The following PPM1E variants were observed in gnomAD, a reference collection of about 807,000 sequenced individuals.
The protein encoded by PPM1E is protein phosphatase, Mg2+/Mn2+ dependent 1E.
Under a neutral mutation model 65.9 loss-of-function variants are expected in PPM1E, and 20 were observed. The ratio of observed to expected loss-of-function variants is 0.30; its 90% CI spans 0.21 to 0.44. The LOEUF (loss-of-function observed/expected upper bound fraction) is 0.44. Among genes scored for constraint, PPM1E ranks in the 20% least tolerant of loss-of-function variants. PPM1E has a pLI of 1.00. For missense variants in PPM1E, 713 were observed against 953.1 expected (o/e 0.75, Z 3.32); for synonymous variants, 352 against 374.9 (o/e 0.94, Z 0.70).
At chr17:58,893,639 T>G (rs1052740952) in intron 1 of PPM1E, among the ~76,000 whole-genome samples, 4 of 152,196 alleles carry the variant, frequency 2.6e-5, no homozygotes, top group Non-Finnish European at 4.4e-5. Context: ...CAATGTGTGT[T>G]CATTGATTAT....
chr17:58,791,401 C>T (rs1426074832), intron 1 of PPM1E, among the ~76,000 whole-genome samples: 1 of 152,124 alleles, frequency 6.6e-6, no homozygotes, highest in Non-Finnish European at 1.5e-5. Flanking sequence ...TGTCTTTCTG[C>T]TCAACTCTGC....
At chr17:58,891,729 T>G (rs770756665) in intron 1 of PPM1E, among the ~76,000 whole-genome samples, 2 of 152,186 alleles carry the variant, frequency 1.3e-5, no homozygotes, top group Non-Finnish European at 2.9e-5. Flanking sequence ...TCTCTATTTT[T>G]GTTGGTTCTT....
intron 1 of PPM1E, among the ~76,000 whole-genome samples, chr17:58,859,035 A>G (rs1354400259): frequency 6.6e-6 from 1 of 152,254 alleles, no homozygotes; most frequent in Non-Finnish European, 1.5e-5. Flanking sequence ...AAACTTGAGG[A>G]TAGCCACATG....
At chr17:58,892,120 G>A (rs1462763362) in intron 1 of PPM1E, among the ~76,000 whole-genome samples, 1 of 152,094 alleles carries the variant, frequency 6.6e-6, no homozygotes, top group East Asian at 1.9e-4. Flanking sequence ...ACAGGTGTGA[G>A]CCACCGTGCA....
intron 1 of PPM1E, among the ~76,000 whole-genome samples, chr17:58,821,763 A>C (rs1384983609): frequency 6.6e-6 from 1 of 152,186 alleles, no homozygotes; most frequent in Non-Finnish European, 1.5e-5. Flanking sequence ...CAGGGGTTGG[A>C]GAAAGGGTTT....
intron 1 of PPM1E, among the ~76,000 whole-genome samples, chr17:58,894,990 C>T (rs2051395000): frequency 6.6e-6 from 1 of 152,138 alleles, no homozygotes; most frequent in African/African-American, 2.4e-5. Context: ...TTCAACAAGT[C>T]CGTTGGCACC....
At chr17:58,879,658 A>G (rs2051169685) in intron 1 of PPM1E, among the ~76,000 whole-genome samples, 2 of 151,516 alleles carry the variant, frequency 1.3e-5, no homozygotes, top group African/African-American at 2.4e-5. Context: ...ACAGGCGCCC[A>G]CCACCACGCC....
rs144310587 is a variant in PPM1E, at chr17:58,911,645, C to T, written c.465-44004C>T. 3.8e-3 allele frequency among the ~76,000 whole-genome samples: 583 copies of T among 152,160 alleles called. 7 individuals are homozygous for T. Among genetic ancestry groups the T allele is most frequent in the African/African-American group, 0.013 (543 of 41,514 alleles). On this transcript the variant is annotated intron_variant, in intron 1 of 6. Coordinates refer to ENST00000308249, the MANE Select transcript of PPM1E (RefSeq NM_014906.5). ...TGTTAAAATGCAGATAACCCTGAAG[C>T]GTTTTTCTTTTGTACGTTTTTAATA...
At chr17:58,933,098 T>TGG (rs1000899537) in intron 1 of PPM1E, among the ~76,000 whole-genome samples, 11 of 152,188 alleles carry the variant, frequency 7.2e-5, no homozygotes, top group African/African-American at 2.7e-4. Context: ...CTATACCATC[T>TGG]GGGTTTATAT....
In PPM1E at chr17:58,756,032, G is replaced by T. The variant is rs1351976481; in HGVS notation, c.35G>T (p.Arg12Leu). The T allele has an allele frequency of 1.9e-6, 3 of 1,614,030 alleles. No individual in the cohort carries two copies. Among genetic ancestry groups the T allele is most frequent in the Non-Finnish European group, 2.5e-6 (3 of 1,179,934 alleles). The stretch of plus-strand genomic sequence containing the variant: ...TGCATCCCTGAGGAGAAAACTTACC[G>T]GCGCTTCCTGGAGCTATTCCTGGGC... Reference protein sequence around the residue: ...AGCIPEEKTYRRFLELFLGEF... With the variant: ...AGCIPEEKTYLRFLELFLGEF... Residue 12 changes from arginine (R) to leucine (L), a missense_variant, in exon 1 of 7, where the codon CGG (arginine) becomes CTG (leucine). Around this residue, in one of 6 missense-constraint regions of PPM1E, gnomAD observed 212 missense variants for 204.0 expected, o/e 1.04. Transcript: ENST00000308249.
At chr17:58,876,417 G>A (rs1234921869) in intron 1 of PPM1E, among the ~76,000 whole-genome samples, 2 of 152,050 alleles carry the variant, frequency 1.3e-5, no homozygotes, top group Non-Finnish European at 2.9e-5. Flanking sequence ...TGGCTTTCTT[G>A]AGGATAAACA....
At chr17:58,943,152 G>A (rs948845498) in intron 1 of PPM1E, among the ~76,000 whole-genome samples, 4 of 151,822 alleles carry the variant, frequency 2.6e-5, no homozygotes, top group South Asian at 2.1e-4. Context: ...AGCCAAGATC[G>A]TGCCACTGTG....
At chr17:58,767,378 G>C (rs572503542) in intron 1 of PPM1E, among the ~76,000 whole-genome samples, 1 of 152,158 alleles carries the variant, frequency 6.6e-6, no homozygotes, top group Non-Finnish European at 1.5e-5. Context: ...AGTCAGACTT[G>C]GGAGATTATA....
chr17:58,791,373 A>G (rs2050156649), intron 1 of PPM1E, among the ~76,000 whole-genome samples: 1 of 152,156 alleles, frequency 6.6e-6, no homozygotes, highest in Non-Finnish European at 1.5e-5. Flanking sequence ...GGCAACATAC[A>G]ATTGTTTAAT....
intron 1 of PPM1E, among the ~76,000 whole-genome samples, chr17:58,875,898 T>C (rs1391809107): frequency 6.6e-6 from 1 of 152,200 alleles, no homozygotes; most frequent in Non-Finnish European, 1.5e-5. Context: ...GACACATCTG[T>C]ACTATCATTA....
At chr17:58,834,038 T>G (rs936054415) in intron 1 of PPM1E, among the ~76,000 whole-genome samples, 3 of 152,248 alleles carry the variant, frequency 2.0e-5, no homozygotes, top group Admixed American at 6.5e-5. Flanking sequence ...GATGTATGTC[T>G]TCTTTTGCGA....
chr17:58,965,872 T>C lies in PPM1E; in HGVS notation c.762T>C (p.Phe254=), dbSNP rs1387603279. ...ACAAACATGTCTGCATTCCTGACTT[T>C]AATATGCTCTTCAACCTAGAGGTAA... The part of the protein sequence containing the change: ...MEDKHVCIPD[F]NMLFNLEDQE... Residue 254 remains phenylalanine (F), a synonymous_variant, in exon 3 of 7, where the codon TTT becomes TTC. Transcript: ENST00000308249. 6.2e-7 allele frequency: 1 copy of C among 1,614,178 alleles called. No individual in the cohort carries two copies. Among genetic ancestry groups the C allele is most frequent in the Non-Finnish European group, 8.5e-7 (1 of 1,180,014 alleles).
intron 1 of PPM1E, among the ~76,000 whole-genome samples, chr17:58,946,674 T>A (rs1009109965): frequency 5.3e-5 from 8 of 152,158 alleles, no homozygotes; most frequent in African/African-American, 1.7e-4. Context: ...CAGGCTGATC[T>A]CAAACTCCTG....
rs1248859972 is a variant in PPM1E, at chr17:58,756,257, CCGAGGAGGAGGCGGCGGTTGAGGG to C, written c.261_284del (p.Ala91_Glu98del). ...GGGGACCAGGAGCAAGACCCGGAGC[CCGAGGAGGAGGCGGCGGTTGAGGG>C]TGAGGAGGAGGAGGAGGGCGCGGCG... On this transcript the variant is annotated inframe_deletion, in exon 1 of 7. Transcript: ENST00000308249. 12 of 1,550,124 alleles carry C rather than the reference CCGAGGAGGAGGCGGCGGTTGAGGG, an allele frequency of 7.7e-6. No homozygotes were observed. Among genetic ancestry groups the C allele is most frequent in the African/African-American group, 4.1e-5 (3 of 73,030 alleles).
Sources: gnomAD v4.1 joint callset for allele counts (sites outside exome capture counted in the v4.1 genomes callset) on GRCh38, gnomAD v4.1.1 for gene constraint, gnomAD v4.1.1 regional missense constraint, MANE v1.5 for transcripts, NCBI Gene and HGNC (gene_info 2026-07-23, HGNC 2026-07-21) for gene names.